CD6: variants seen among roughly 807,000 people sequenced by gnomAD.
CD6 encodes the protein CD6 molecule.
Under a neutral mutation model 75.3 loss-of-function variants are expected in CD6, and 53 were observed. The observed-to-expected ratio is 0.70, with a 90% CI of 0.56 to 0.88. The LOEUF is 0.88. CD6 is among the 40% of genes least tolerant of loss of function. CD6 has a pLI of 0.00. For synonymous variants in CD6, 359 were observed against 381.5 expected, an observed-to-expected ratio of 0.94 and a Z score of 0.69; for missense variants, 770 against 897.1, an observed-to-expected ratio of 0.86 and a Z score of 1.81.
At chr11:60,996,978 C>A (rs1421812292) in intron 1 of CD6, among the ~76,000 whole-genome samples, 1 of 152,220 alleles carries the variant, frequency 6.6e-6, no homozygotes, top group Non-Finnish European at 1.5e-5. Context: ...AGGAACAGAG[C>A]TGGACTCCAG....
At position 61,018,018 on chromosome 11, in the gene CD6, G is replaced by A; in HGVS notation, c.1837+5G>A. ...GCACCCAGCCAGCCTTTTCAGGTAAGCTGTGCCTCCCCCAAACCCCCATCC... is the reference window on the plus strand; with the variant it reads ...GCACCCAGCCAGCCTTTTCAGGTAAACTGTGCCTCCCCCAAACCCCCATCC... On this transcript the variant is annotated splice_donor_5th_base_variant and intron_variant, in intron 11 of 12. Transcript: ENST00000313421. The A allele has an allele frequency of 6.2e-7, 1 of 1,609,950 alleles. No homozygotes were observed. The highest frequency in any genetic ancestry group is 1.3e-5 in the African/African-American group (1 of 74,942).
chr11:60,973,616 G>A (rs901116514), intron 1 of CD6, among the ~76,000 whole-genome samples: 2 of 152,164 alleles, frequency 1.3e-5, no homozygotes, highest in Admixed American at 1.3e-4. Flanking sequence ...TTACGCTTTA[G>A]CAAAAAGTGA....
intron 1 of CD6, chr11:60,982,651 C>T (rs1857618342): frequency 2.2e-6 from 1 of 455,968 alleles, no homozygotes; most frequent in Non-Finnish European, 4.4e-6. Flanking sequence ...ATGGATTCAG[C>T]TCCTTGGAGA....
At chr11:61,008,036 T>G (rs1858954284) in intron 3 of CD6, 126 bp downstream of exon 3, 6 of 549,556 alleles carry the variant, frequency 1.1e-5, no homozygotes. Context: ...CGCCTACCAG[T>G]GCAAACGCAC....
chr11:60,993,498 C>T (rs184978688), intron 1 of CD6, among the ~76,000 whole-genome samples: 37 of 151,634 alleles, frequency 2.4e-4, no homozygotes, highest in African/African-American at 7.5e-4. Context: ...CCATATACCG[C>T]GTCCTAAGCG....
Position 61,007,879 on chromosome 11 carries a change from C to T in CD6, c.438C>T (p.Ser146=). Residue 146 remains serine, a synonymous_variant, in exon 3 of 13, where the codon AGC becomes AGT. Transcript: ENST00000313421. The surrounding 1 kb of genome is among the most constrained non-coding windows in gnomAD (Gnocchi z 4.2). The part of the protein sequence containing the change: ...LCEVVEHACR[S]DGRRARVTCA... Reference sequence around the variant, plus strand: ...AGGTGGTGGAGCACGCGTGCCGCAGCGACGGGAGGCGGGCCCGTGTCACCT... The same window carrying T: ...AGGTGGTGGAGCACGCGTGCCGCAGTGACGGGAGGCGGGCCCGTGTCACCT... 1 of 1,377,332 alleles carries T rather than the reference C, an allele frequency of 7.3e-7. No individual in the cohort carries two copies. Among genetic ancestry groups the T allele is most frequent in the Non-Finnish European group, 9.3e-7 (1 of 1,071,148 alleles). 85.3% of individuals were successfully genotyped at this position (1,377,332 alleles called of 1,614,324 possible).
intron 1 of CD6, chr11:60,982,880 G>A (rs897408385): frequency 2.3e-5 from 9 of 387,012 alleles, no homozygotes; most frequent in South Asian, 5.7e-5. Context: ...AGGGCATGGC[G>A]GGGCCTGTGT....
intron 1 of CD6, among the ~76,000 whole-genome samples, chr11:60,997,308 A>T (rs1725484380): frequency 6.6e-6 from 1 of 151,426 alleles, no homozygotes; most frequent in African/African-American, 2.4e-5. Context: ...AACCTGGGAG[A>T]TGGAGGTTGC....
chr11:61,002,732 G>A (rs1858643810), intron 1 of CD6, among the ~76,000 whole-genome samples: 1 of 152,184 alleles, frequency 6.6e-6, no homozygotes, highest in African/African-American at 2.4e-5. Flanking sequence ...TAGTTCTGCA[G>A]GCTGGAAAGC....
Position 61,009,879 on chromosome 11 carries a change from C to T in CD6, c.1084+5C>T, listed in dbSNP as rs748718607. On this transcript the variant is annotated splice_donor_5th_base_variant and intron_variant, in intron 5 of 12. Coordinates refer to ENST00000313421, the MANE Select transcript of CD6 (RefSeq NM_006725.5). ...CAGCCAGGGTCCTCTGCTCAGGTAC[C>T]CCATCCTACTCCACCCCCCCAGATT... The T allele has an allele frequency of 1.3e-6, 2 of 1,536,538 alleles. No homozygotes were observed.
chr11:61,002,467 G>A (rs1291662709), intron 1 of CD6, among the ~76,000 whole-genome samples: 1 of 152,084 alleles, frequency 6.6e-6, no homozygotes, highest in African/African-American at 2.4e-5. Flanking sequence ...TGAGGCAGGA[G>A]AATTGCTTGA....
At chr11:60,989,736 T>A (rs1299797599) in intron 1 of CD6, among the ~76,000 whole-genome samples, 1 of 152,182 alleles carries the variant, frequency 6.6e-6, no homozygotes, top group Non-Finnish European at 1.5e-5. Context: ...CAGGAAACCC[T>A]CTTTCTGGGT....
At position 60,993,525 on chromosome 11, in the gene CD6, C is replaced by T. The variant is rs114454189; in HGVS notation, c.50-13049C>T. On this transcript the variant is annotated intron_variant, in intron 1 of 12. Coordinates refer to ENST00000313421, the MANE Select transcript of CD6 (RefSeq NM_006725.5). ...TCCTAAGCGTTTTACGAAGATCACC[C>T]ACCCGTGCACTCTTCTTCTGTTTGG... Among the ~76,000 whole-genome samples the T allele has an allele frequency of 6.9e-3, 1,006 of 145,978 alleles. 9 individuals are homozygous for T. Among genetic ancestry groups the T allele is most frequent in the African/African-American group, 0.021 (875 of 41,316 alleles).
At chr11:60,980,448 G>A (rs886897814) in intron 1 of CD6, among the ~76,000 whole-genome samples, 2 of 152,080 alleles carry the variant, frequency 1.3e-5, no homozygotes, top group Non-Finnish European at 2.9e-5. Flanking sequence ...GCTGCAGTGA[G>A]CCATGATCTC....
chr11:60,978,657 T>C (rs1229651973), intron 1 of CD6, among the ~76,000 whole-genome samples: 1 of 152,142 alleles, frequency 6.6e-6, no homozygotes, highest in African/African-American at 2.4e-5. Context: ...CATCTGGCTG[T>C]ACGCAGCAGA....
chr11:61,001,347 C>A (rs184660603), intron 1 of CD6, among the ~76,000 whole-genome samples: 1 of 151,892 alleles, frequency 6.6e-6, no homozygotes, highest in Admixed American at 6.6e-5. Flanking sequence ...GAACTACAGG[C>A]ACCTGCCACC....
intron 1 of CD6, among the ~76,000 whole-genome samples, chr11:61,003,938 T>G (rs1489221227): frequency 6.6e-6 from 1 of 151,492 alleles, no homozygotes. Flanking sequence ...CCCTCGAGGT[T>G]ATCCGCTTTC....
chr11:61,013,867 C>T (rs1215171346), intron 7 of CD6, 52 bp from the exon 8 acceptor site: 3 of 1,327,198 alleles, frequency 2.3e-6, no homozygotes, highest in Non-Finnish European at 1.1e-6. Flanking sequence ...ACCAGGTAGA[C>T]TGGGAGAGGG....
intron 8 of CD6, among the ~76,000 whole-genome samples, chr11:61,014,408 G>A (rs1204187896): frequency 6.6e-6 from 1 of 152,186 alleles, no homozygotes; most frequent in Admixed American, 6.5e-5. Flanking sequence ...CTAGAATGTG[G>A]TTTTATTTCA....
Sources: allele counts gnomAD v4.1 joint callset (sites outside exome capture counted in the v4.1 genomes callset), GRCh38; gene constraint gnomAD v4.1.1; non-coding constraint Gnocchi (gnomAD v3.1); transcripts MANE v1.5; gene names NCBI Gene and HGNC (gene_info 2026-07-23, HGNC 2026-07-21).